SLC44A5: variants seen among roughly 807,000 people sequenced by gnomAD.
SLC44A5 encodes solute carrier family 44 member 5, also known as choline transporter-like protein 5.
A neutral mutation model predicts 101.8 loss-of-function variants in SLC44A5; 57 were observed. The observed-to-expected ratio is 0.56, with a 90% CI of 0.45 to 0.70. SLC44A5 has a LOEUF of 0.70. Ranked by LOEUF, SLC44A5 falls within the 30% of genes least tolerant of loss-of-function variation. The pLI is 0.00. For missense variants in SLC44A5, 737 were observed against 853.1 expected, an observed-to-expected ratio of 0.86 and a Z score of 1.70; for synonymous variants, 281 against 290.9, an observed-to-expected ratio of 0.97 and a Z score of 0.35.
At chr1:75,223,673 T>G (rs1171026338) in intron 13 of SLC44A5, among the ~76,000 whole-genome samples, 1 of 152,208 alleles carries the variant, frequency 6.6e-6, no homozygotes, top group African/African-American at 2.4e-5. Context: ...GAGCTCATTA[T>G]TTCATTCTAT....
intron 2 of SLC44A5, among the ~76,000 whole-genome samples, chr1:75,497,806 T>C (rs558935669): frequency 6.6e-6 from 1 of 152,128 alleles, no homozygotes; most frequent in Non-Finnish European, 1.5e-5. Context: ...AGAAAAATAA[T>C]TACTTAAGAA....
At chr1:75,429,809 G>A (rs1341021717) in intron 2 of SLC44A5, among the ~76,000 whole-genome samples, 2 of 152,196 alleles carry the variant, frequency 1.3e-5, no homozygotes, top group African/African-American at 4.8e-5. Context: ...ATGGCACCAT[G>A]CTATTCATGA....
chr1:75,430,998 T>C (rs911987600), intron 2 of SLC44A5, among the ~76,000 whole-genome samples: 4 of 152,118 alleles, frequency 2.6e-5, no homozygotes, highest in African/African-American at 9.7e-5. Context: ...GACACTACAA[T>C]AAAGCGATGA....
At chr1:75,705,839 G>A in the SLC44A5 span, among the ~76,000 whole-genome samples, 57 of 151,870 alleles carry the variant, frequency 3.8e-4, no homozygotes, top group East Asian at 1.8e-3. Context: ...CCACCACGCC[G>A]GACTAATTTT....
intron 4 of SLC44A5, among the ~76,000 whole-genome samples, chr1:75,330,764 A>G (rs1399711764): frequency 6.6e-6 from 1 of 152,056 alleles, no homozygotes. Context: ...CACAATCTCT[A>G]ATGAACTCTT....
intron 2 of SLC44A5, among the ~76,000 whole-genome samples, chr1:75,453,929 C>T (rs1405712961): frequency 1.3e-5 from 2 of 151,860 alleles, no homozygotes; most frequent in Non-Finnish European, 1.5e-5. Context: ...TGAAAAGAAG[C>T]CCTAGGCAAG....
In SLC44A5 at chr1:75,253,395, G is replaced by A. The variant is rs183267471; in HGVS notation, c.261-2101C>T. Among the ~76,000 whole-genome samples the A allele has an allele frequency of 6.6e-5, 10 of 151,822 alleles. No individual in the cohort carries two copies. The East Asian group carries it at 1.9e-3, about 29-fold the overall frequency. ...TGTAATCTGCCTGAAATATCAAAGT[G>A]AGAAGGGAAATCTGAAAAAGCATTT... On this transcript the variant is annotated intron_variant, in intron 6 of 23. Coordinates refer to ENST00000370859, the MANE Select transcript of SLC44A5 (RefSeq NM_001130058.2).
At chr1:75,477,943 A>G (rs1393065830) in intron 2 of SLC44A5, among the ~76,000 whole-genome samples, 3 of 152,176 alleles carry the variant, frequency 2.0e-5, no homozygotes, top group African/African-American at 2.4e-5. Context: ...TCCAAGACAC[A>G]TAATTGTCAG....
At chr1:75,532,306 T>C (rs905841841) in intron 2 of SLC44A5, among the ~76,000 whole-genome samples, 1 of 152,244 alleles carries the variant, frequency 6.6e-6, no homozygotes, top group African/African-American at 2.4e-5. Flanking sequence ...ACTTAATTGC[T>C]GTTTACACTT....
intron 2 of SLC44A5, among the ~76,000 whole-genome samples, chr1:75,446,769 C>T (rs1570306309): frequency 1.3e-5 from 2 of 151,962 alleles, no homozygotes; most frequent in Non-Finnish European, 2.9e-5. Context: ...GTAAATCTGT[C>T]TTTTAACTAA....
At chr1:75,581,303 T>C (rs1298953175) in intron 1 of SLC44A5, among the ~76,000 whole-genome samples, 1 of 152,216 alleles carries the variant, frequency 6.6e-6, no homozygotes, top group Admixed American at 6.5e-5. Flanking sequence ...GCTCATTGTC[T>C]AAAAATTGAA....
At chr1:75,686,157 A>G in the SLC44A5 span, among the ~76,000 whole-genome samples, 1 of 152,208 alleles carries the variant, frequency 6.6e-6, no homozygotes, top group East Asian at 1.9e-4. Flanking sequence ...TATGGGAACT[A>G]CTATTCAAGG....
chr1:75,461,777 T>C (rs1031417565), intron 2 of SLC44A5, among the ~76,000 whole-genome samples: 2 of 152,146 alleles, frequency 1.3e-5, no homozygotes, highest in African/African-American at 4.8e-5. Flanking sequence ...ACATTGGTAG[T>C]AATCTGCCAG....
the SLC44A5 span, among the ~76,000 whole-genome samples, chr1:75,697,569 T>C: frequency 2.8e-4 from 43 of 152,270 alleles, no homozygotes; most frequent in East Asian, 7.5e-3. Context: ...GGTGGATCAC[T>C]TGAACTTAGG....
chr1:75,683,062 T>C, the SLC44A5 span, among the ~76,000 whole-genome samples: 3 of 151,978 alleles, frequency 2.0e-5, no homozygotes, highest in African/African-American at 7.3e-5. Context: ...TGAGATACCA[T>C]CTCACACCAG....
intron 2 of SLC44A5, among the ~76,000 whole-genome samples, chr1:75,411,483 G>GA (rs1313230709): frequency 2.0e-5 from 3 of 151,950 alleles, no homozygotes; most frequent in African/African-American, 7.3e-5. Context: ...TATATAAAGA[G>GA]AAAAAATAGT....
At chr1:75,226,814 C>T (rs1449072925) in intron 13 of SLC44A5, among the ~76,000 whole-genome samples, 2 of 151,976 alleles carry the variant, frequency 1.3e-5, no homozygotes, top group Admixed American at 1.3e-4. Context: ...ACAATAACAC[C>T]ATTCTAGGAA....
At chr1:75,549,460 G>A (rs1426672295) in intron 1 of SLC44A5, among the ~76,000 whole-genome samples, 3 of 152,060 alleles carry the variant, frequency 2.0e-5, no homozygotes, top group African/African-American at 7.2e-5. Context: ...CTATCACGAT[G>A]TATTGGATTA....
intron 1 of SLC44A5, among the ~76,000 whole-genome samples, chr1:75,544,179 A>T (rs78620757): frequency 0.16 from 24,985 of 152,062 alleles, 2,241 homozygotes; most frequent in Admixed American, 0.24. Context: ...TCGGTTGCTT[A>T]TAAAAGGATG....
Sources: allele counts gnomAD v4.1 joint callset (sites outside exome capture counted in the v4.1 genomes callset), GRCh38; gene constraint gnomAD v4.1.1; transcripts MANE v1.5; gene names NCBI Gene and HGNC (gene_info 2026-07-23, HGNC 2026-07-21).